Variants in NLGN1 observed in about 807,000 individuals in gnomAD.
NLGN1 encodes neuroligin 1, also known as neuroligin-1.
A neutral mutation model predicts 65.5 loss-of-function variants in NLGN1; 12 were observed. That is an observed-to-expected ratio of 0.18 (90% CI 0.12 to 0.30). The LOEUF is 0.30. Ranked by LOEUF, NLGN1 falls within the 10% of genes least tolerant of loss-of-function variation. The pLI is 1.00. For missense variants in NLGN1, 750 were observed against 1,007.1 expected (o/e 0.74, Z 3.46); for synonymous variants, 350 against 359.5 (o/e 0.97, Z 0.30).
At chr3:173,580,381 C>A (rs972542954) in intron 2 of NLGN1, among the ~76,000 whole-genome samples, 1 of 151,956 alleles carries the variant, frequency 6.6e-6, no homozygotes, top group African/African-American at 2.4e-5. Flanking sequence ...CAATCTTGGT[C>A]TTTTATTTCC....
chr3:173,416,563 T>C (rs1009475364), intron 1 of NLGN1, among the ~76,000 whole-genome samples: 1 of 152,198 alleles, frequency 6.6e-6, no homozygotes, highest in Non-Finnish European at 1.5e-5. Context: ...TCAGAAAATA[T>C]TGCTTTGATC....
intron 3 of NLGN1, among the ~76,000 whole-genome samples, chr3:173,767,397 A>T (rs753164119): frequency 6.6e-6 from 1 of 152,128 alleles, no homozygotes; most frequent in Non-Finnish European, 1.5e-5. Context: ...CTTAGCATTA[A>T]AAATATTTTA....
At chr3:174,122,572 A>G (rs1718000311) in intron 4 of NLGN1, among the ~76,000 whole-genome samples, 1 of 152,102 alleles carries the variant, frequency 6.6e-6, no homozygotes, top group African/African-American at 2.4e-5. Flanking sequence ...CTTGTTCTGT[A>G]ATAACCTCTT....
At chr3:173,683,013 A>G (rs1764172930) in intron 3 of NLGN1, among the ~76,000 whole-genome samples, 1 of 152,194 alleles carries the variant, frequency 6.6e-6, no homozygotes, top group Non-Finnish European at 1.5e-5. Flanking sequence ...GCAACTGTTA[A>G]AAGTTATTAA....
At chr3:173,539,418 T>A (rs1394109296) in intron 2 of NLGN1, among the ~76,000 whole-genome samples, 5 of 146,430 alleles carry the variant, frequency 3.4e-5, no homozygotes, top group Non-Finnish European at 7.5e-5. Flanking sequence ...ATATTATATA[T>A]GTTATATATA....
chr3:173,490,585 G>T (rs1023720456), intron 2 of NLGN1, among the ~76,000 whole-genome samples: 7 of 151,928 alleles, frequency 4.6e-5, no homozygotes, highest in African/African-American at 1.2e-4. Flanking sequence ...GGGCTCTTTT[G>T]TGGTTCCATA....
At chr3:173,931,219 A>G (rs1346446624) in intron 4 of NLGN1, among the ~76,000 whole-genome samples, 1 of 152,182 alleles carries the variant, frequency 6.6e-6, no homozygotes, top group Non-Finnish European at 1.5e-5. Flanking sequence ...AAACAAAACA[A>G]AATGAGAGGC....
rs1219328991 is a variant in NLGN1, at chr3:174,279,973, ACT to A, written c.1649+326_1649+327del. ...TTTATAGTGCTTTGTCATTCACAAC[ACT>A]CTTTAATCCTTCCAACTACCTTTCT... On this transcript the variant is annotated intron_variant, in intron 6 of 6. Transcript: ENST00000457714. The surrounding 1 kb of genome is among the most constrained non-coding windows in gnomAD (Gnocchi z 4.7). 2.0e-5 allele frequency among the ~76,000 whole-genome samples: 3 copies of A among 152,042 alleles called. No individual in the cohort carries two copies. Among genetic ancestry groups the A allele is most frequent in the African/African-American group, 7.2e-5 (3 of 41,518 alleles).
chr3:173,798,171 A>G (rs921359700), intron 3 of NLGN1, among the ~76,000 whole-genome samples: 2 of 152,134 alleles, frequency 1.3e-5, no homozygotes, highest in African/African-American at 4.8e-5. Context: ...GCTCACATTA[A>G]TGATTTCTTA....
chr3:174,068,007 G>C (rs990673954), intron 4 of NLGN1, among the ~76,000 whole-genome samples: 1 of 152,154 alleles, frequency 6.6e-6, no homozygotes, highest in African/African-American at 2.4e-5. Flanking sequence ...GGTGAGGCTG[G>C]AGTGTTTGTT....
chr3:174,164,576 T>C (rs1727156821), intron 4 of NLGN1, among the ~76,000 whole-genome samples: 1 of 152,144 alleles, frequency 6.6e-6, no homozygotes, highest in African/African-American at 2.4e-5. Flanking sequence ...CTTGTGCATA[T>C]AGCTTGCAAG....
chr3:174,119,045 TTTC>T (rs1717189179), intron 4 of NLGN1, among the ~76,000 whole-genome samples: 1 of 152,198 alleles, frequency 6.6e-6, no homozygotes, highest in African/African-American at 2.4e-5. Context: ...AATATGCTTT[TTTC>T]TTCGTGCATA....
At chr3:173,981,796 A>G (rs1718845906) in intron 4 of NLGN1, among the ~76,000 whole-genome samples, 1 of 152,142 alleles carries the variant, frequency 6.6e-6, no homozygotes. Context: ...ACATATTTAT[A>G]CTTTACCATT....
intron 4 of NLGN1, among the ~76,000 whole-genome samples, chr3:173,849,989 AT>A (rs1193277784): frequency 6.6e-6 from 1 of 152,070 alleles, no homozygotes; most frequent in East Asian, 1.9e-4. Flanking sequence ...CTTTAATTAT[AT>A]TTATTACATA....
rs182247512 is a variant in NLGN1 at position 173,795,399 on chromosome 3, A to T, written c.494-12281A>T. Among the ~76,000 whole-genome samples, 101 of 152,254 alleles carry T rather than the reference A, an allele frequency of 6.6e-4. 1 individual carries two copies. The highest frequency in any genetic ancestry group is 1.2e-3 in the South Asian group (6 of 4,834). ...ATTATTTTTCAGCTATGCTTTCTTTATATCTGGTCATATAATCAATAGTTT... is the reference window on the plus strand; with the variant it reads ...ATTATTTTTCAGCTATGCTTTCTTTTTATCTGGTCATATAATCAATAGTTT... On this transcript the variant is annotated intron_variant, in intron 3 of 6. Coordinates refer to ENST00000457714, the Ensembl canonical transcript of NLGN1.
chr3:173,836,133 C>T (rs1308814688), intron 4 of NLGN1, among the ~76,000 whole-genome samples: 1 of 152,026 alleles, frequency 6.6e-6, no homozygotes, highest in Admixed American at 6.6e-5. Flanking sequence ...GAATCTGTAA[C>T]ATAAAACAAT....
intron 4 of NLGN1, among the ~76,000 whole-genome samples, chr3:173,896,046 T>C (rs1736302815): frequency 6.6e-6 from 1 of 152,178 alleles, no homozygotes; most frequent in Admixed American, 6.5e-5. Context: ...TCTCTGGAGA[T>C]GAATTATGCC....
chr3:173,440,781 A>G (rs994483719), intron 2 of NLGN1, among the ~76,000 whole-genome samples: 4 of 152,196 alleles, frequency 2.6e-5, no homozygotes, highest in East Asian at 1.9e-4. Context: ...GACTTTCACA[A>G]TGATAAATGA....
At chr3:174,007,164 G>C (rs1406646560) in intron 4 of NLGN1, among the ~76,000 whole-genome samples, 1 of 152,106 alleles carries the variant, frequency 6.6e-6, no homozygotes, top group East Asian at 1.9e-4. Flanking sequence ...CAGTAAGACG[G>C]TGACCATCTG....
Sources: allele counts gnomAD v4.1 joint callset (sites outside exome capture counted in the v4.1 genomes callset), GRCh38; gene constraint gnomAD v4.1.1; non-coding constraint Gnocchi (gnomAD v3.1); transcripts MANE v1.5; gene names NCBI Gene and HGNC (gene_info 2026-07-23, HGNC 2026-07-21).